The following IL1RAPL1 variants were observed in gnomAD, a reference collection of about 807,000 sequenced individuals.
IL1RAPL1 encodes the protein interleukin 1 receptor accessory protein like 1, also known as interleukin-1 receptor accessory protein-like 1.
A neutral mutation model predicts 48.4 loss-of-function variants in IL1RAPL1; 3 were observed. The ratio of observed to expected loss-of-function variants is 0.06; its 90% CI spans 0.03 to 0.16. The LOEUF (loss-of-function observed/expected upper bound fraction) is 0.16, where lower values mean the gene tolerates loss of function less well. Among genes scored for constraint, IL1RAPL1 ranks in the 10% least tolerant of loss-of-function variants. The pLI is 1.00. For synonymous variants in IL1RAPL1, 185 were observed against 187.7 expected (o/e 0.99, Z 0.12); for missense variants, 349 against 530.6 (o/e 0.66, Z 3.36).
rs1437197647 is a variant in IL1RAPL1 at position 28,762,196 on chromosome X, TAGA to T, written c.-24-27120_-24-27118del. The stretch of plus-strand genomic sequence containing the variant: ...TGATTTTCAATTGCTGATCTATAAA[TAGA>T]AGAGAACATTATAAATGATGAAAGA... On this transcript the variant is annotated intron_variant, in intron 1 of 10. Coordinates refer to ENST00000378993, the MANE Select transcript of IL1RAPL1 (RefSeq NM_014271.4). Among the ~76,000 whole-genome samples, 4 of 111,584 alleles carry T rather than the reference TAGA, an allele frequency of 3.6e-5. No homozygotes were observed. The East Asian group carries it at 1.1e-3, about 31-fold the overall frequency.
At chrX:29,852,858 C>G (rs1206981876) in intron 6 of IL1RAPL1, among the ~76,000 whole-genome samples, 1 of 111,649 alleles carries the variant, frequency 9.0e-6, no homozygotes, top group Non-Finnish European at 1.9e-5. Context: ...ATGAAGTTTA[C>G]AGTCAGATTT....
intron 5 of IL1RAPL1, among the ~76,000 whole-genome samples, chrX:29,653,337 CTTTTG>C (rs1300119507): frequency 2.7e-5 from 3 of 111,545 alleles, no homozygotes; most frequent in Admixed American, 1.9e-4. Context: ...TTGTAACAGG[CTTTTG>C]TTTTGTTTTA....
At chrX:28,601,842 T>C (rs1258549188) in intron 1 of IL1RAPL1, among the ~76,000 whole-genome samples, 4 of 110,981 alleles carry the variant, frequency 3.6e-5, no homozygotes, top group Admixed American at 9.6e-5. Flanking sequence ...TGGTGGTTCA[T>C]GCCTGGAATC....
intron 6 of IL1RAPL1, among the ~76,000 whole-genome samples, chrX:29,695,136 T>C (rs1472330041): frequency 2.7e-5 from 3 of 112,199 alleles, no homozygotes; most frequent in African/African-American, 9.7e-5. Flanking sequence ...TAACATTTAC[T>C]GAGGACTACT....
chrX:29,083,868 G>A (rs1259625713), intron 2 of IL1RAPL1, among the ~76,000 whole-genome samples: 2 of 111,681 alleles, frequency 1.8e-5, no homozygotes, highest in African/African-American at 6.5e-5. Flanking sequence ...AAAATTGTGT[G>A]AAGGCAAAGA....
chrX:29,254,129 G>T (rs1407559104), intron 2 of IL1RAPL1, among the ~76,000 whole-genome samples: 3 of 110,866 alleles, frequency 2.7e-5, no homozygotes, highest in Non-Finnish European at 5.7e-5. Flanking sequence ...TTTGTTATGA[G>T]CCCAGAGAAA....
chrX:29,150,325 G>T (rs1929437053), intron 2 of IL1RAPL1, among the ~76,000 whole-genome samples: 1 of 111,753 alleles, frequency 8.9e-6, no homozygotes, highest in Non-Finnish European at 1.9e-5. Flanking sequence ...CTTGAGCTTT[G>T]CAACAGTACT....
At chrX:29,614,896 C>T (rs1010729446) in intron 5 of IL1RAPL1, among the ~76,000 whole-genome samples, 15 of 109,748 alleles carry the variant, frequency 1.4e-4, no homozygotes, top group Admixed American at 9.7e-5. Flanking sequence ...GGAGACGGAG[C>T]TTGCAGTGAG....
chrX:28,931,416 T>C (rs1187335192), intron 2 of IL1RAPL1, among the ~76,000 whole-genome samples: 2 of 112,287 alleles, frequency 1.8e-5, no homozygotes, highest in Non-Finnish European at 3.8e-5. Context: ...ATGAACATAG[T>C]TCCTAGTAGG....
intron 2 of IL1RAPL1, among the ~76,000 whole-genome samples, chrX:28,832,827 T>G (rs1921101109): frequency 1.9e-5 from 2 of 102,650 alleles, no homozygotes; most frequent in South Asian, 8.7e-4. Flanking sequence ...TTTCAATTTT[T>G]TTTTTTTTTT....
intron 1 of IL1RAPL1, among the ~76,000 whole-genome samples, chrX:28,634,635 G>A (rs1934443937): frequency 9.1e-6 from 1 of 110,140 alleles, no homozygotes; most frequent in South Asian, 3.8e-4. Flanking sequence ...TAGAATATAT[G>A]TAATTATTAT....
intron 3 of IL1RAPL1, among the ~76,000 whole-genome samples, chrX:29,315,575 A>G (rs922016998): frequency 3.6e-5 from 4 of 111,833 alleles, no homozygotes; most frequent in African/African-American, 1.3e-4. Context: ...TAGGACAGAA[A>G]GCTGCCTGCA....
chrX:29,592,012 T>C, intron 5 of IL1RAPL1, among the ~76,000 whole-genome samples: 1 of 111,567 alleles, frequency 9.0e-6, no homozygotes, highest in Non-Finnish European at 1.9e-5. Context: ...GAGGATCTGA[T>C]GAACGGGTGA....
chrX:29,483,696 T>G (rs1935065115), intron 5 of IL1RAPL1, among the ~76,000 whole-genome samples: 1 of 109,612 alleles, frequency 9.1e-6, no homozygotes, highest in Non-Finnish European at 1.9e-5. Flanking sequence ...GTAGTAGTTT[T>G]TTTTTTTTTT....
In IL1RAPL1 at chrX:28,893,788, A is replaced by T. The variant is rs1444740414; in HGVS notation, c.82+104363A>T. Among the ~76,000 whole-genome samples the T allele has an allele frequency of 4.5e-5, 5 of 111,982 alleles. No homozygotes were observed. In the Admixed American group the frequency reaches 4.7e-4, roughly 11 times the overall value. On this transcript the variant is annotated intron_variant, in intron 2 of 10. Transcript: ENST00000378993. ...GTAACCTACACAGAAGAGGTTATGA[A>T]ATGATGACAGAACAGAATGGGCCTA...
At chrX:29,766,456 T>TATATATATATTTATATGTCCAA (rs1276268157) in intron 6 of IL1RAPL1, among the ~76,000 whole-genome samples, 25 of 74,601 alleles carry the variant, frequency 3.4e-4, no homozygotes, top group African/African-American at 1.3e-3. Flanking sequence ...TATGTCCAAA[T>TATATATATATTTATATGTCCAA]ATATATATAT....
intron 2 of IL1RAPL1, among the ~76,000 whole-genome samples, chrX:29,183,998 T>C (rs1224828215): frequency 8.9e-6 from 1 of 112,174 alleles, no homozygotes; most frequent in Non-Finnish European, 1.9e-5. Flanking sequence ...CCAGCCCCCC[T>C]TTTTTTAAAA....
intron 6 of IL1RAPL1, among the ~76,000 whole-genome samples, chrX:29,901,892 C>T (rs1932502923): frequency 8.9e-6 from 1 of 112,096 alleles, no homozygotes; most frequent in Non-Finnish European, 1.9e-5. Context: ...GATAAAAAGA[C>T]CTCTGTATTA....
chrX:29,233,436 A>C (rs916551613), intron 2 of IL1RAPL1, among the ~76,000 whole-genome samples: 9 of 111,912 alleles, frequency 8.0e-5, no homozygotes, highest in African/African-American at 2.3e-4. Flanking sequence ...AGAATAAAAG[A>C]TTATAGTCTT....
Sources: gnomAD v4.1 joint callset for allele counts (sites outside exome capture counted in the v4.1 genomes callset) on GRCh38, gnomAD v4.1.1 for gene constraint, MANE v1.5 for transcripts, NCBI Gene and HGNC (gene_info 2026-07-23, HGNC 2026-07-21) for gene names.